Variants in MTREX observed in about 807,000 individuals in gnomAD.
MTREX encodes exosome RNA helicase MTR4.
A neutral mutation model predicts 135.4 loss-of-function variants in MTREX; 76 were observed. The ratio of observed to expected loss-of-function variants is 0.56; its 90% confidence interval spans 0.47 to 0.68. The LOEUF is 0.68. Ranked by LOEUF, MTREX falls within the 30% of genes least tolerant of loss-of-function variation. MTREX has a pLI of 0.00. For synonymous variants in MTREX, 404 were observed against 401.6 expected, an observed-to-expected ratio of 1.01 and a Z score of -0.07; for missense variants, 920 against 1,262.1, an observed-to-expected ratio of 0.73 and a Z score of 4.11.
Position 55,400,409 on chromosome 5 carries a change from A to C in MTREX, c.2469A>C (p.Glu823Asp). 1 of 1,581,732 alleles carries C rather than the reference A, an allele frequency of 6.3e-7. No individual in the cohort carries two copies. The change falls in exon 21 of 27, where the codon GAA (glutamate) becomes GAC (aspartate). Residue 823 changes from glutamate to aspartate, a missense_variant. Physicochemically the swap from Glu to Asp is conservative, Grantham distance 45 (BLOSUM62 2). Around this residue, in one of 6 missense-constraint regions of MTREX, gnomAD observed 467 missense variants for 589.7 expected, o/e 0.79. Transcript: ENST00000230640. The part of the protein sequence containing the change: ...PNLETVYTLC[E>D]KKAQIAIDIK... Reference sequence around the variant, plus strand: ...TGGAAACTGTGTATACGCTTTGTGAAAAAAAAGCACAGGTATGGCAGAAAT... The same window carrying C: ...TGGAAACTGTGTATACGCTTTGTGACAAAAAAGCACAGGTATGGCAGAAAT...
intron 15 of MTREX, among the ~76,000 whole-genome samples, chr5:55,364,569 T>G (rs1750066755): frequency 6.6e-6 from 1 of 152,212 alleles, no homozygotes; most frequent in African/African-American, 2.4e-5. Flanking sequence ...AAAGCATGTT[T>G]AGGAAGATTC....
chr5:55,384,887 G>A (rs1469905543), intron 18 of MTREX, among the ~76,000 whole-genome samples: 1 of 152,076 alleles, frequency 6.6e-6, no homozygotes, highest in African/African-American at 2.4e-5. Flanking sequence ...TTAGCAGGAG[G>A]GCTCCTCCCA....
At chr5:55,371,715 A>G (rs900525496) in intron 16 of MTREX, among the ~76,000 whole-genome samples, 1 of 152,142 alleles carries the variant, frequency 6.6e-6, no homozygotes. Flanking sequence ...AATTTGTTAC[A>G]TGTATATTAT....
Position 55,341,661 on chromosome 5 carries a change from T to G in MTREX, c.691-20T>G. 2 of 1,409,440 alleles carry G rather than the reference T, an allele frequency of 1.4e-6. No individual in the cohort carries two copies. Among genetic ancestry groups the G allele is most frequent in the Non-Finnish European group, 2.0e-6 (2 of 1,012,046 alleles). 87.3% of individuals were successfully genotyped at this position (1,409,440 alleles called of 1,614,324 possible). ...TTATGTCAGAATCCAACTAAATACA[T>G]TTTTTACTTTTTTCTTTAGATTTTG... On this transcript the variant is annotated intron_variant, in intron 6 of 26. Coordinates refer to ENST00000230640, the MANE Select transcript of MTREX (RefSeq NM_015360.5).
chr5:55,310,937 C>T (rs1216024146), intron 1 of MTREX, among the ~76,000 whole-genome samples: 2 of 151,572 alleles, frequency 1.3e-5, no homozygotes, highest in Admixed American at 6.6e-5. Flanking sequence ...ACCACCATAT[C>T]GGGCTAATTT....
chr5:55,411,286 A>C (rs1461902721), intron 23 of MTREX, among the ~76,000 whole-genome samples: 1 of 152,236 alleles, frequency 6.6e-6, no homozygotes, highest in African/African-American at 2.4e-5. Flanking sequence ...TTCAAATTTA[A>C]GACTTTATTT....
chr5:55,378,031 G>C (rs558101902), intron 16 of MTREX, among the ~76,000 whole-genome samples: 1 of 151,594 alleles, frequency 6.6e-6, no homozygotes, highest in Non-Finnish European at 1.5e-5. Flanking sequence ...GGCAGATCTT[G>C]CTGGGTTTTC....
Position 55,425,093 on chromosome 5 carries a change from A to C in MTREX, c.*321A>C, listed in dbSNP as rs1376357097. 7 of 1,354,850 alleles carry C rather than the reference A, an allele frequency of 5.2e-6. No homozygotes were observed. The East Asian group carries it at 1.2e-4, about 22-fold the overall frequency. 83.9% of individuals were successfully genotyped at this position (1,354,850 alleles called of 1,614,324 possible). ...GTGTGCATCCAAGAGGCATAGCAGC[A>C]GCAGAAGTCTTTAAAGGCTTGTACA... is the stretch of plus-strand genomic sequence containing the variant. On this transcript the variant is annotated 3_prime_UTR_variant, in exon 27 of 27. Coordinates refer to ENST00000230640, the MANE Select transcript of MTREX (RefSeq NM_015360.5).
At chr5:55,317,089 G>A (rs955042240) in intron 1 of MTREX, among the ~76,000 whole-genome samples, 1 of 152,056 alleles carries the variant, frequency 6.6e-6, no homozygotes, top group Admixed American at 6.6e-5. Flanking sequence ...CCAGGGAGGT[G>A]AAAGATATAT....
At chr5:55,350,807 TTAAG>T in intron 12 of MTREX, 108 bp from the exon 13 acceptor site, 1 of 856,950 alleles carries the variant, frequency 1.2e-6, no homozygotes, top group Admixed American at 3.1e-5. Context: ...AAAGATTTTA[TTAAG>T]TTTCTTTAAA....
At position 55,308,157 on chromosome 5, in the gene MTREX, A is replaced by G; in HGVS notation, c.134+10A>G. 1.3e-6 allele frequency: 2 copies of G among 1,579,458 alleles called. No homozygotes were observed. Among genetic ancestry groups the G allele is most frequent in the Non-Finnish European group, 1.7e-6 (2 of 1,165,962 alleles). On this transcript the variant is annotated intron_variant, in intron 1 of 26. Transcript: ENST00000230640. ...CTGCAGACAAGGCAGGGTAAGGAAG[A>G]AGTTCCAGTTGTTGCTTTTATTTTT...
At chr5:55,404,455 TTTAAC>T (rs1435877908) in intron 21 of MTREX, among the ~76,000 whole-genome samples, 2 of 152,196 alleles carry the variant, frequency 1.3e-5, no homozygotes, top group Non-Finnish European at 2.9e-5. Flanking sequence ...AAATTCGTGA[TTTAAC>T]TTAAGGGCAA....
intron 22 of MTREX, among the ~76,000 whole-genome samples, chr5:55,407,108 G>C (rs1048330919): frequency 3.3e-5 from 5 of 152,180 alleles, no homozygotes; most frequent in African/African-American, 9.7e-5. Flanking sequence ...GCATGGCCAG[G>C]ATGGACAGGA....
At position 55,425,154 on chromosome 5, in the gene MTREX, A is replaced by G. The variant is rs372602213; in HGVS notation, c.*382A>G. ...AGATGCATCCTCTTGCCTTGTGGCA[A>G]TCATTTTCCTTTAGAAAACAGGCCA... On this transcript the variant is annotated 3_prime_UTR_variant, in exon 27 of 27. Coordinates refer to ENST00000230640, the MANE Select transcript of MTREX (RefSeq NM_015360.5). 5.5e-5 allele frequency: 87 copies of G among 1,578,136 alleles called. No homozygotes were observed. The African/African-American group carries it at 9.0e-4, about 16-fold the overall frequency.
intron 5 of MTREX, among the ~76,000 whole-genome samples, chr5:55,329,667 C>T (rs1364582211): frequency 6.6e-6 from 1 of 151,920 alleles, no homozygotes; most frequent in South Asian, 2.1e-4. Flanking sequence ...AAGGTATTTT[C>T]CTTTGGTATG....
chr5:55,423,878 T>C (rs1751098791), intron 26 of MTREX: 2 of 152,168 alleles, frequency 1.3e-5, no homozygotes, highest in Non-Finnish European at 2.9e-5. Flanking sequence ...TAAGAAGAGG[T>C]TTGCAAAAAC....
chr5:55,345,291 A>C, intron 10 of MTREX, 95 bp downstream of exon 10: 1 of 775,008 alleles, frequency 1.3e-6, no homozygotes. Context: ...TTCTCAAGCT[A>C]TGTAAAGGTC....
At chr5:55,410,387 A>T in intron 22 of MTREX, 137 bp from the exon 23 acceptor site, 1 of 443,918 alleles carries the variant, frequency 2.3e-6, no homozygotes, top group Non-Finnish European at 4.0e-6. Flanking sequence ...GTCCTTAAAT[A>T]AATCATTGTC....
At chr5:55,372,908 G>GTGTA (rs1480610507) in intron 16 of MTREX, among the ~76,000 whole-genome samples, 1 of 149,830 alleles carries the variant, frequency 6.7e-6, no homozygotes, top group Non-Finnish European at 1.5e-5. Flanking sequence ...GTGTGTGTGT[G>GTGTA]TGTGTGTGTG....
Sources: allele counts gnomAD v4.1 joint callset (sites outside exome capture counted in the v4.1 genomes callset), GRCh38; gene constraint gnomAD v4.1.1; regional missense constraint gnomAD v4.1.1; transcripts MANE v1.5; gene names NCBI Gene and HGNC (gene_info 2026-07-23, HGNC 2026-07-21).